Variants in RBMS2 observed in about 807,000 individuals in gnomAD.
RBMS2 encodes the protein RNA-binding motif, single-stranded-interacting protein 2.
In RBMS2, 38 loss-of-function variants were observed where a neutral mutation model predicts 58.4. The ratio of observed to expected loss-of-function variants is 0.65; its 90% confidence interval spans 0.50 to 0.85. The LOEUF is 0.85. Ranked by LOEUF, RBMS2 falls within the 40% of genes least tolerant of loss-of-function variation. RBMS2 has a pLI of 0.00. For missense variants in RBMS2, 367 were observed against 503.7 expected (o/e 0.73, Z 2.60); for synonymous variants, 151 against 180.7 (o/e 0.84, Z 1.32).
intron 1 of RBMS2, among the ~76,000 whole-genome samples, chr12:56,542,304 A>G (rs1435875513): frequency 1.3e-5 from 2 of 150,372 alleles, no homozygotes; most frequent in Admixed American, 6.6e-5. Context: ...GGCTCAAGGG[A>G]TCTTCCCACC....
At chr12:56,588,677 G>A in intron 12 of RBMS2, 1 of 591,580 alleles carries the variant, frequency 1.7e-6, no homozygotes, top group South Asian at 2.1e-5. Flanking sequence ...TCATGAATGA[G>A]GCCCTTCCTT....
chr12:56,595,133 A>AACTT lies in RBMS2; in HGVS notation c.*6002_*6005dup, dbSNP rs2136650889. 6.6e-6 allele frequency: 1 copy of AACTT among 152,308 alleles called. No homozygotes were observed. The highest frequency in any genetic ancestry group is 1.9e-4 in the East Asian group (1 of 5,176). 9.4% of individuals were successfully genotyped at this position (152,308 alleles called of 1,614,324 possible). On this transcript the variant is annotated 3_prime_UTR_variant, in exon 14 of 14. Transcript: ENST00000262031. ...ACACCAGCATAGGAGCAGAGTTTAGAACTTAAGAGGACAAGAAAGCTGCTC... is the reference window on the plus strand; with the variant it reads ...ACACCAGCATAGGAGCAGAGTTTAGAACTTACTTAAGAGGACAAGAAAGCTGCTC...
rs1220611241 is a variant in RBMS2 at position 56,567,341 on chromosome 12, C to T, written c.234-1634C>T. 4.1e-5 allele frequency among the ~76,000 whole-genome samples: 6 copies of T among 147,892 alleles called. No homozygotes were observed. The East Asian group carries it at 1.2e-3, about 30-fold the overall frequency. ...CGGAGGGTGCAGTGAGCTGAGATCA[C>T]ACCATTGCACTCCAGCCTGGGCAAC... On this transcript the variant is annotated intron_variant, in intron 2 of 13. Transcript: ENST00000262031.
At chr12:56,573,109 C>A (rs1882567874) in intron 5 of RBMS2, 1 of 982,648 alleles carries the variant, frequency 1.0e-6, no homozygotes, top group Non-Finnish European at 1.2e-6. Context: ...GCCAAGCACC[C>A]CTTTTTGCTT....
chr12:56,577,806 C>T (rs1476672144), intron 5 of RBMS2, among the ~76,000 whole-genome samples: 1 of 152,118 alleles, frequency 6.6e-6, no homozygotes, highest in Non-Finnish European at 1.5e-5. Context: ...CCTCAACCTC[C>T]CAAGTAGCCG....
intron 1 of RBMS2, among the ~76,000 whole-genome samples, chr12:56,547,956 C>G (rs1877562913): frequency 6.6e-6 from 1 of 151,884 alleles, no homozygotes; most frequent in Admixed American, 6.6e-5. Context: ...CCAGCCCATT[C>G]TGCTACTTTT....
chr12:56,581,771 T>A, intron 7 of RBMS2, 62 bp from the exon 8 acceptor site: 1 of 1,575,814 alleles, frequency 6.3e-7, no homozygotes, highest in African/African-American at 1.4e-5. Context: ...TTGGACATTC[T>A]GGGCCAGCTC....
At chr12:56,580,081 C>G (rs1471616382) in intron 5 of RBMS2, among the ~76,000 whole-genome samples, 4 of 151,888 alleles carry the variant, frequency 2.6e-5, no homozygotes, top group Admixed American at 6.6e-5. Context: ...TGGCACGCAC[C>G]ACCACACTCA....
At chr12:56,553,750 A>C (rs756042918) in intron 1 of RBMS2, among the ~76,000 whole-genome samples, 5 of 151,968 alleles carry the variant, frequency 3.3e-5, no homozygotes, top group South Asian at 2.1e-4. Context: ...TACAAGTTTG[A>C]GCCACTGCAT....
At chr12:56,554,596 C>T (rs1373024942) in intron 1 of RBMS2, among the ~76,000 whole-genome samples, 1 of 152,056 alleles carries the variant, frequency 6.6e-6, no homozygotes, top group African/African-American at 2.4e-5. Context: ...TATGGACAGG[C>T]AGGGTAAGAG....
rs957670609 is a variant in RBMS2 at position 56,594,491 on chromosome 12, A to G, written c.*5358A>G. On this transcript the variant is annotated 3_prime_UTR_variant, in exon 14 of 14. Transcript: ENST00000262031. The stretch of plus-strand genomic sequence containing the variant: ...CCAAATCTTGTGCCTTGTTATACCA[A>G]TCCTTCCTGATTCCCGTTTAAACCA... 3.9e-5 allele frequency: 6 copies of G among 152,130 alleles called. No homozygotes were observed. The highest frequency in any genetic ancestry group is 7.3e-5 in the Non-Finnish European group (5 of 68,040). 9.4% of individuals were successfully genotyped at this position (152,130 alleles called of 1,614,324 possible).
At chr12:56,533,408 C>CTTTTT (rs1164155079) in intron 1 of RBMS2, among the ~76,000 whole-genome samples, 952 of 65,236 alleles carry the variant, frequency 0.015, 142 homozygotes, top group African/African-American at 0.053. Flanking sequence ...AGCCCTATTA[C>CTTTTT]TTTTTTTTTT....
intron 10 of RBMS2, 26 bp from the exon 11 acceptor site, chr12:56,587,528 A>G: frequency 1.2e-6 from 2 of 1,610,732 alleles, no homozygotes; most frequent in Non-Finnish European, 1.7e-6. Context: ...GCTGCAGCTA[A>G]CCCTGTCCTT....
chr12:56,533,836 G>T (rs1250828063), intron 1 of RBMS2, among the ~76,000 whole-genome samples: 1 of 151,974 alleles, frequency 6.6e-6, no homozygotes, highest in East Asian at 1.9e-4. Context: ...TTAAAATCAT[G>T]TTTAATTAAC....
At chr12:56,580,580 C>T (rs976754039) in intron 5 of RBMS2, among the ~76,000 whole-genome samples, 6 of 152,138 alleles carry the variant, frequency 3.9e-5, no homozygotes, top group African/African-American at 1.2e-4. Flanking sequence ...CTCTGGGTGG[C>T]GAAGTGGTGC....
At chr12:56,580,419 G>A in intron 5 of RBMS2, 2 of 305,524 alleles carry the variant, frequency 6.5e-6, no homozygotes, top group South Asian at 4.8e-5. Flanking sequence ...TTTTAGTAGA[G>A]ATGGGGTTTC....
chr12:56,555,440 C>CA (rs771583124), intron 1 of RBMS2, among the ~76,000 whole-genome samples: 9,927 of 86,952 alleles, frequency 0.11, 1,079 homozygotes, highest in African/African-American at 0.32. Flanking sequence ...AACTTGGTCT[C>CA]AAAAAAAAAA....
In RBMS2 at chr12:56,571,863, T is replaced by C. The variant is rs1882346092; in HGVS notation, c.542+8T>C. 2 of 1,526,936 alleles carry C rather than the reference T, an allele frequency of 1.3e-6. No homozygotes were observed. The highest frequency in any genetic ancestry group is 1.8e-6 in the Non-Finnish European group (2 of 1,132,476). 94.6% of individuals were successfully genotyped at this position (1,526,936 alleles called of 1,614,324 possible). Reference sequence around the variant, plus strand: ...AGGTGTTGGCTTTGCAAGGTGAGGATGGCAGGAGTGGGGAAATGATGAGGT... The same window carrying C: ...AGGTGTTGGCTTTGCAAGGTGAGGACGGCAGGAGTGGGGAAATGATGAGGT... On this transcript the variant is annotated splice_region_variant and intron_variant, in intron 5 of 13. Coordinates refer to ENST00000262031, the MANE Select transcript of RBMS2 (RefSeq NM_002898.4).
intron 5 of RBMS2, chr12:56,580,293 C>T (rs1459422068): frequency 4.9e-6 from 2 of 410,590 alleles, no homozygotes; most frequent in Non-Finnish European, 4.8e-6. Context: ...AGTGCAATGG[C>T]GTGATCTCGA....
Sources: allele counts gnomAD v4.1 joint callset (sites outside exome capture counted in the v4.1 genomes callset), GRCh38; gene constraint gnomAD v4.1.1; transcripts MANE v1.5; gene names NCBI Gene and HGNC (gene_info 2026-07-23, HGNC 2026-07-21).